The following PLCB1 variants were observed in gnomAD, a reference collection of about 807,000 sequenced individuals.
The protein encoded by PLCB1 is 1-phosphatidylinositol 4,5-bisphosphate phosphodiesterase beta-1.
PLCB1 carries 46 observed loss-of-function variants against 161.8 expected under a neutral mutation model. The ratio of observed to expected loss-of-function variants is 0.28; its 90% CI spans 0.22 to 0.36. PLCB1 has a LOEUF of 0.36. Ranked by LOEUF, PLCB1 falls within the 10% of genes least tolerant of loss-of-function variation. The pLI, the probability that PLCB1 is intolerant of heterozygous loss-of-function variation, is 1.00. For missense variants in PLCB1, 1,016 were observed against 1,472.5 expected (o/e 0.69, Z 5.07); for synonymous variants, 517 against 503.7 (o/e 1.03, Z -0.35).
intron 3 of PLCB1, among the ~76,000 whole-genome samples, chr20:8,523,496 C>CTCTATATATATATATA: frequency 3.9e-5 from 2 of 51,654 alleles, no homozygotes. Flanking sequence ...CTCTCTCTCT[C>CTCTATATATATATATA]TATATATATA....
chr20:8,714,749 T>A (rs1408932996), intron 12 of PLCB1, among the ~76,000 whole-genome samples: 1 of 152,108 alleles, frequency 6.6e-6, no homozygotes, highest in Non-Finnish European at 1.5e-5. Flanking sequence ...CCTTTGAATC[T>A]CTCCTTAGCC....
At chr20:8,296,443 A>G (rs994681690) in intron 2 of PLCB1, among the ~76,000 whole-genome samples, 6 of 152,300 alleles carry the variant, frequency 3.9e-5, no homozygotes, top group Non-Finnish European at 5.9e-5. Flanking sequence ...TATGCCCTCC[A>G]AGAACCCGAG....
At chr20:8,333,144 T>C (rs1159621553) in intron 2 of PLCB1, among the ~76,000 whole-genome samples, 1 of 152,176 alleles carries the variant, frequency 6.6e-6, no homozygotes, top group Non-Finnish European at 1.5e-5. Context: ...CAGTCCCTGA[T>C]TGAATGGAGG....
At chr20:8,777,505 G>T (rs1033523440) in intron 27 of PLCB1, among the ~76,000 whole-genome samples, 7 of 152,052 alleles carry the variant, frequency 4.6e-5, no homozygotes, top group African/African-American at 1.7e-4. Context: ...GATCACCTGA[G>T]TTCAGGAGTT....
intron 3 of PLCB1, among the ~76,000 whole-genome samples, chr20:8,391,777 ATG>A (rs1405473637): frequency 3.9e-5 from 2 of 50,904 alleles, no homozygotes; most frequent in Non-Finnish European, 8.5e-5. Context: ...ATATATATAT[ATG>A]TGTGTGTATA....
intron 3 of PLCB1, among the ~76,000 whole-genome samples, chr20:8,501,136 G>A (rs185731647): frequency 5.3e-5 from 8 of 152,280 alleles, no homozygotes; most frequent in African/African-American, 1.9e-4. Context: ...ATCCACAGAC[G>A]AAACAGACAG....
At chr20:8,449,428 C>T (rs1039216572) in intron 3 of PLCB1, among the ~76,000 whole-genome samples, 2 of 152,174 alleles carry the variant, frequency 1.3e-5, no homozygotes, top group Admixed American at 6.6e-5. Context: ...GCTAGTGTCC[C>T]GCTTCCTTCA....
intron 2 of PLCB1, among the ~76,000 whole-genome samples, chr20:8,323,133 A>C (rs891072912): frequency 6.6e-5 from 10 of 152,158 alleles, no homozygotes; most frequent in African/African-American, 2.4e-4. Flanking sequence ...GATTATATGC[A>C]CAGCTTGCGG....
chr20:8,486,867 CATT>C (rs1982752647), intron 3 of PLCB1, among the ~76,000 whole-genome samples: 1 of 152,076 alleles, frequency 6.6e-6, no homozygotes, highest in African/African-American at 2.4e-5. Flanking sequence ...TGTTTGTTGA[CATT>C]ATCTATCAAA....
rs753543778 is a variant in PLCB1, at chr20:8,132,724, G to A, written c.73G>A (p.Gly25Ser). The A allele has an allele frequency of 6.2e-7, 1 of 1,612,822 alleles. No homozygotes were observed. The highest frequency in any genetic ancestry group is 8.5e-7 in the Non-Finnish European group (1 of 1,179,170). ...GTGCGTGTCCGACAGCCTCAAGAAG[G>A]GCACCAAATTCGTCAAGTGGGATGA... ...PVCVSDSLKK[G>S]TKFVKWDDDS... Residue 25 changes from glycine to serine, a missense_variant, in exon 1 of 32, where the codon GGC becomes AGC. By Grantham distance (56) the Gly-to-Ser change is moderately conservative (BLOSUM62 0). Coordinates refer to ENST00000338037, the MANE Select transcript of PLCB1 (RefSeq NM_015192.4). The surrounding 1 kb of genome is among the most constrained non-coding windows in gnomAD (Gnocchi z 5.2).
chr20:8,244,603 C>T (rs964355585), intron 2 of PLCB1, among the ~76,000 whole-genome samples: 1 of 151,640 alleles, frequency 6.6e-6, no homozygotes, highest in Non-Finnish European at 1.5e-5. Flanking sequence ...GAAAGGGGTG[C>T]CTGATAATTT....
At chr20:8,771,861 T>TTTCCTTCCTTTCTTCG in intron 26 of PLCB1, among the ~76,000 whole-genome samples, 1 of 130,244 alleles carries the variant, frequency 7.7e-6, no homozygotes, top group East Asian at 2.3e-4. Flanking sequence ...ATTGAATTTG[T>TTTCCTTCCTTTCTTCG]TTCCTTCCTT....
intron 2 of PLCB1, among the ~76,000 whole-genome samples, chr20:8,311,410 T>C (rs1984397389): frequency 6.6e-6 from 1 of 152,246 alleles, no homozygotes; most frequent in South Asian, 2.1e-4. Context: ...GGAAGATATC[T>C]GCTTCCTGAA....
chr20:8,743,266 G>A (rs934781170), intron 23 of PLCB1, among the ~76,000 whole-genome samples: 1 of 152,078 alleles, frequency 6.6e-6, no homozygotes, highest in African/African-American at 2.4e-5. Context: ...TATCAGAAGG[G>A]ATGTTGAATT....
chr20:8,821,501 GTATA>G lies in PLCB1; in HGVS notation c.3423+31294_3423+31297del, dbSNP rs552044656. ...TCAAAAAAAAAAAAAAAAAAAATAT[GTATA>G]TATATATATATATATATATATATAT... On this transcript the variant is annotated intron_variant, in intron 31 of 31. Transcript: ENST00000338037. Among the ~76,000 whole-genome samples, 30 of 42,386 alleles carry G rather than the reference GTATA, an allele frequency of 7.1e-4. 2 individuals carry two copies. The highest frequency in any genetic ancestry group is 1.0e-3 in the South Asian group (1 of 956). 27.8% of individuals were successfully genotyped at this position (42,386 alleles called of 152,430 possible). A position where few individuals can be genotyped will look rare whatever the true frequency, so the allele number is the denominator to read the frequency against.
At chr20:8,727,224 C>A in intron 16 of PLCB1, 85 bp from the exon 17 acceptor site, 1 of 624,070 alleles carries the variant, frequency 1.6e-6, no homozygotes, top group Non-Finnish European at 2.8e-6. Flanking sequence ...GAATATTTAC[C>A]CATTTCTTTT....
chr20:8,435,690 C>T (rs1333147274), intron 3 of PLCB1, among the ~76,000 whole-genome samples: 2 of 152,080 alleles, frequency 1.3e-5, no homozygotes, highest in African/African-American at 4.8e-5. Flanking sequence ...TGGATTATTC[C>T]CCAATCAAGC....
At chr20:8,630,017 T>G (rs979033922) in intron 4 of PLCB1, among the ~76,000 whole-genome samples, 8 of 144,182 alleles carry the variant, frequency 5.5e-5, no homozygotes, top group Admixed American at 1.4e-4. Flanking sequence ...TTTCTCTTTC[T>G]TCTTTCCTTT....
chr20:8,830,934 G>A (rs11906477), intron 31 of PLCB1, among the ~76,000 whole-genome samples: 5 of 151,908 alleles, frequency 3.3e-5, no homozygotes, highest in Admixed American at 6.6e-5. Context: ...TCACAGCACC[G>A]TGGACAAGAG....
Sources: allele counts gnomAD v4.1 joint callset (sites outside exome capture counted in the v4.1 genomes callset), GRCh38; gene constraint gnomAD v4.1.1; non-coding constraint Gnocchi (gnomAD v3.1); transcripts MANE v1.5; gene names NCBI Gene and HGNC (gene_info 2026-07-23, HGNC 2026-07-21).